The following DLC1 variants were observed in gnomAD, a reference collection of about 807,000 sequenced individuals.
The protein encoded by DLC1 is rho GTPase-activating protein 7.
Under a neutral mutation model 140.3 loss-of-function variants are expected in DLC1, and 54 were observed. The ratio of observed to expected loss-of-function variants is 0.38; its 90% CI spans 0.31 to 0.48. The LOEUF is 0.48. DLC1 is among the 20% of genes least tolerant of loss of function. The pLI, the probability that DLC1 is intolerant of heterozygous loss-of-function variation, is 0.96. For missense variants in DLC1, 2,536 were observed against 1,907.0 expected, an observed-to-expected ratio of 1.33 and a Z score of -6.14; for synonymous variants, 986 against 728.1, an observed-to-expected ratio of 1.35 and a Z score of -5.70.
At chr8:13,158,627 G>A (rs1206446212) in intron 5 of DLC1, among the ~76,000 whole-genome samples, 1 of 151,578 alleles carries the variant, frequency 6.6e-6, no homozygotes, top group Admixed American at 6.6e-5. Flanking sequence ...TTAAAGGGAG[G>A]GACAGATACT....
chr8:13,584,557 G>A (rs558680716), intron 1 of DLC1: 2 of 152,136 alleles, frequency 1.3e-5, no homozygotes, highest in East Asian at 1.9e-4. Context: ...GATATGTACC[G>A]GGCACAATAA....
At chr8:13,118,902 C>T (rs1820799816) in intron 5 of DLC1, among the ~76,000 whole-genome samples, 1 of 152,118 alleles carries the variant, frequency 6.6e-6, no homozygotes, top group African/African-American at 2.4e-5. Flanking sequence ...CTTCTCTCTC[C>T]TTCACAAACT....
intron 2 of DLC1, among the ~76,000 whole-genome samples, chr8:13,457,750 G>C (rs1799474942): frequency 6.8e-6 from 1 of 147,628 alleles, no homozygotes; most frequent in Non-Finnish European, 1.5e-5. Context: ...AGGTGGTTTA[G>C]TTCAATGATG....
chr8:13,199,056 C>T (rs1483708425), intron 5 of DLC1, among the ~76,000 whole-genome samples: 1 of 152,014 alleles, frequency 6.6e-6, no homozygotes. Context: ...CAAACATTTG[C>T]ATGTAATAGC....
At chr8:13,213,602 A>G (rs765505346) in intron 5 of DLC1, among the ~76,000 whole-genome samples, 1 of 152,318 alleles carries the variant, frequency 6.6e-6, no homozygotes, top group Non-Finnish European at 1.5e-5. Context: ...TTTCCGGCGA[A>G]AGAAACCACA....
chr8:13,368,848 G>T (rs1484885759), intron 4 of DLC1, among the ~76,000 whole-genome samples: 1 of 152,050 alleles, frequency 6.6e-6, no homozygotes, highest in African/African-American at 2.4e-5. Context: ...TTTTAAGAGG[G>T]AGTCTCACTC....
Position 13,257,944 on chromosome 8 carries a change from T to C in DLC1, c.1348+47325A>G, listed in dbSNP as rs369932583. On this transcript the variant is annotated intron_variant, in intron 5 of 17. Transcript: ENST00000276297. ...AGCTAGAAAAGTGCCTAGGAAATTATAAGCGGGAAGTCATCAAAAGCCAAC... is the reference window on the plus strand; with the variant it reads ...AGCTAGAAAAGTGCCTAGGAAATTACAAGCGGGAAGTCATCAAAAGCCAAC... Among the ~76,000 whole-genome samples, 18 of 152,328 alleles carry C rather than the reference T, an allele frequency of 1.2e-4. No homozygotes were observed. In the South Asian group the frequency reaches 3.7e-3, roughly 32 times the overall value.
At chr8:13,549,073 C>A (rs757556619) in intron 1 of DLC1, among the ~76,000 whole-genome samples, 14 of 151,980 alleles carry the variant, frequency 9.2e-5, no homozygotes, top group Non-Finnish European at 1.9e-4. Flanking sequence ...TATTAAAAGT[C>A]AGGAAATGAG....
chr8:13,186,714 T>C (rs553632087), intron 5 of DLC1, among the ~76,000 whole-genome samples: 1 of 152,332 alleles, frequency 6.6e-6, no homozygotes, highest in African/African-American at 2.4e-5. Context: ...CTGCAGTCCT[T>C]TGGAGGAGAA....
chr8:13,275,730 C>T (rs1831136024), intron 5 of DLC1, among the ~76,000 whole-genome samples: 1 of 152,164 alleles, frequency 6.6e-6, no homozygotes, highest in Admixed American at 6.5e-5. Flanking sequence ...TACATGACAC[C>T]GTCTTGGAAC....
At chr8:13,225,147 G>T (rs558230613) in intron 5 of DLC1, among the ~76,000 whole-genome samples, 1 of 152,190 alleles carries the variant, frequency 6.6e-6, no homozygotes, top group African/African-American at 2.4e-5. Context: ...TAAATAGAAA[G>T]CTGATAGGCT....
chr8:13,243,402 C>T (rs1241861921), intron 5 of DLC1, among the ~76,000 whole-genome samples: 1 of 151,652 alleles, frequency 6.6e-6, no homozygotes, highest in Non-Finnish European at 1.5e-5. Flanking sequence ...TTGTGAGTTT[C>T]CTGAGGCCTC....
At position 13,326,095 on chromosome 8, in the gene DLC1, G is replaced by T. The variant is rs369573846; in HGVS notation, c.1315-20793C>A. ...TGTGTAAGTTCACTCTATGATGTCT[G>T]CACAAGGATGTGCATTGCCTAATGA... On this transcript the variant is annotated intron_variant, in intron 4 of 17. Coordinates refer to ENST00000276297, the MANE Select transcript of DLC1 (RefSeq NM_182643.3). Among the ~76,000 whole-genome samples, 6 of 152,184 alleles carry T rather than the reference G, an allele frequency of 3.9e-5. No homozygotes were observed. In the East Asian group the frequency reaches 1.2e-3, roughly 29 times the overall value.
chr8:13,280,012 G>A (rs986119865), intron 5 of DLC1, among the ~76,000 whole-genome samples: 2 of 151,866 alleles, frequency 1.3e-5, no homozygotes, highest in African/African-American at 4.8e-5. Flanking sequence ...GGGTGCGGTG[G>A]CTCACACCTG....
intron 1 of DLC1, among the ~76,000 whole-genome samples, chr8:13,539,402 G>A (rs968882952): frequency 6.6e-5 from 10 of 151,920 alleles, no homozygotes; most frequent in Non-Finnish European, 7.4e-5. Context: ...GGGTTTCATC[G>A]TGTTAGCCAA....
chr8:13,507,050 A>T (rs993213282), intron 1 of DLC1, among the ~76,000 whole-genome samples: 1 of 152,186 alleles, frequency 6.6e-6, no homozygotes, highest in Admixed American at 6.5e-5. Flanking sequence ...AACAGACATG[A>T]TCACAGGAGC....
chr8:13,367,712 TA>T (rs770420188), intron 4 of DLC1, among the ~76,000 whole-genome samples: 4 of 152,200 alleles, frequency 2.6e-5, no homozygotes, highest in Non-Finnish European at 5.9e-5. Flanking sequence ...CTCTGCAGTT[TA>T]TTCTTCTCTT....
At chr8:13,421,800 C>A (rs977846339) in intron 2 of DLC1, among the ~76,000 whole-genome samples, 10 of 152,202 alleles carry the variant, frequency 6.6e-5, no homozygotes, top group African/African-American at 2.4e-4. Context: ...ATGGCTTCTT[C>A]TTTCCCAATA....
At chr8:13,142,943 G>T (rs1216574247) in intron 5 of DLC1, among the ~76,000 whole-genome samples, 1 of 151,972 alleles carries the variant, frequency 6.6e-6, no homozygotes, top group African/African-American at 2.4e-5. Flanking sequence ...CAGCTACTTT[G>T]GAGGCTGAGG....
Sources: gnomAD v4.1 joint callset for allele counts (sites outside exome capture counted in the v4.1 genomes callset) on GRCh38, gnomAD v4.1.1 for gene constraint, MANE v1.5 for transcripts, NCBI Gene and HGNC (gene_info 2026-07-23, HGNC 2026-07-21) for gene names.